ZDHHC21: variants seen among roughly 807,000 people sequenced by gnomAD.
ZDHHC21 encodes zDHHC palmitoyltransferase 21.
In ZDHHC21, 15 loss-of-function variants were observed where a neutral mutation model predicts 34.6. That is an observed-to-expected ratio of 0.43 (90% CI 0.29 to 0.67). ZDHHC21 has a LOEUF of 0.67. Ranked by LOEUF, ZDHHC21 falls within the 30% of genes least tolerant of loss-of-function variation. The probability of loss-of-function intolerance (pLI) is 0.14; values close to 1 mark genes in which losing one functional copy is unlikely to be tolerated. For missense variants in ZDHHC21, 344 were observed against 327.7 expected, an observed-to-expected ratio of 1.05 and a Z score of -0.38; for synonymous variants, 142 against 101.8, an observed-to-expected ratio of 1.40 and a Z score of -2.38.
At position 14,673,593 on chromosome 9, in the gene ZDHHC21, G is replaced by A. The variant is rs1835853201; in HGVS notation, c.154+594C>T. Among the ~76,000 whole-genome samples, 3 of 151,494 alleles carry A rather than the reference G, an allele frequency of 2.0e-5. No homozygotes were observed. In the South Asian group the frequency reaches 6.2e-4, roughly 32 times the overall value. On this transcript the variant is annotated intron_variant, in intron 4 of 9. Coordinates refer to ENST00000380916, the MANE Select transcript of ZDHHC21 (RefSeq NM_178566.6). Reference sequence around the variant, plus strand: ...CTGAGTGCTCAATCCAGGACTGACTGCATAGTACCGGTCAGTTTTATCATA... The same window carrying A: ...CTGAGTGCTCAATCCAGGACTGACTACATAGTACCGGTCAGTTTTATCATA...
chr9:14,596,869 A>G, the ZDHHC21 span, among the ~76,000 whole-genome samples: 5 of 152,144 alleles, frequency 3.3e-5, no homozygotes, highest in Admixed American at 1.3e-4. Context: ...CATCTTAGAG[A>G]GAACATTGGA....
chr9:14,652,483 G>T (rs1252345410), intron 7 of ZDHHC21, among the ~76,000 whole-genome samples: 2 of 151,830 alleles, frequency 1.3e-5, no homozygotes, highest in Admixed American at 1.3e-4. Context: ...ATCTTTGAAC[G>T]TTCGTGATAA....
intron 8 of ZDHHC21, among the ~76,000 whole-genome samples, chr9:14,626,579 A>G (rs1394307510): frequency 1.3e-5 from 2 of 151,980 alleles, no homozygotes. Context: ...ATGCTTTTAC[A>G]TAGGAACATG....
intron 4 of ZDHHC21, among the ~76,000 whole-genome samples, chr9:14,673,131 T>C (rs1448651324): frequency 1.3e-5 from 2 of 152,054 alleles, no homozygotes; most frequent in African/African-American, 4.8e-5. Context: ...TTTTAATCAT[T>C]ACTAATTTTA....
rs188455215 is a variant in ZDHHC21 at position 14,681,420 on chromosome 9, T to G, written c.-175-1258A>C. Among the ~76,000 whole-genome samples, 6 of 152,248 alleles carry G rather than the reference T, an allele frequency of 3.9e-5. No homozygotes were observed. The East Asian group carries it at 1.2e-3, about 29-fold the overall frequency. ...TAATAAAAATGTACAATGCTGGTCA[T>G]AGCCTACTAAACCAATTTCATGACC... On this transcript the variant is annotated intron_variant, in intron 2 of 9. Coordinates refer to ENST00000380916, the MANE Select transcript of ZDHHC21 (RefSeq NM_178566.6).
At chr9:14,661,379 G>A (rs1178877863) in intron 6 of ZDHHC21, among the ~76,000 whole-genome samples, 1 of 152,114 alleles carries the variant, frequency 6.6e-6, no homozygotes, top group African/African-American at 2.4e-5. Flanking sequence ...TATAAATTAA[G>A]AGGCTCATTA....
chr9:14,602,144 A>G, the ZDHHC21 span, among the ~76,000 whole-genome samples: 2 of 151,870 alleles, frequency 1.3e-5, no homozygotes, highest in African/African-American at 4.8e-5. Flanking sequence ...CTTAAAGTAT[A>G]ATAATAATAA....
intron 8 of ZDHHC21, among the ~76,000 whole-genome samples, chr9:14,625,980 A>G (rs1826138045): frequency 6.6e-6 from 1 of 151,946 alleles, no homozygotes. Flanking sequence ...ATATAGTAAC[A>G]TAGAGAGGAA....
At chr9:14,630,227 T>C (rs980352013) in intron 8 of ZDHHC21, among the ~76,000 whole-genome samples, 8 of 152,214 alleles carry the variant, frequency 5.3e-5, no homozygotes, top group East Asian at 1.9e-4. Flanking sequence ...ACTAAGTCCA[T>C]ATACTCTTCT....
downstream of ZDHHC21, among the ~76,000 whole-genome samples, chr9:14,606,764 AAT>A (rs1009421184): frequency 6.6e-6 from 1 of 152,166 alleles, no homozygotes; most frequent in Non-Finnish European, 1.5e-5. Flanking sequence ...ATACCCAGGA[AAT>A]ATATTAATAA....
chr9:14,593,461 T>A, the ZDHHC21 span: 2 of 152,118 alleles, frequency 1.3e-5, no homozygotes, highest in Non-Finnish European at 2.9e-5. Context: ...ATACAAAAAA[T>A]CTGAATAGAT....
intron 1 of ZDHHC21, among the ~76,000 whole-genome samples, chr9:14,692,787 G>A (rs372246289): frequency 1.8e-4 from 25 of 142,242 alleles, no homozygotes; most frequent in East Asian, 1.5e-3. Context: ...TGGAATGAAT[G>A]AAAAGCTCTG....
At position 14,688,006 on chromosome 9, in the gene ZDHHC21, T is replaced by C. The variant is rs142459303; in HGVS notation, c.-176+2331A>G. The stretch of plus-strand genomic sequence containing the variant: ...TCTGATATCATTCTACTCTGAAAAT[T>C]AGTCAAGTGTGGCAGTTAAATAATT... On this transcript the variant is annotated intron_variant, in intron 2 of 9. Coordinates refer to ENST00000380916, the MANE Select transcript of ZDHHC21 (RefSeq NM_178566.6). 2.4e-4 allele frequency among the ~76,000 whole-genome samples: 37 copies of C among 151,104 alleles called. 2 individuals carry two copies. The highest frequency in any genetic ancestry group is 5.0e-4 in the African/African-American group (20 of 40,374).
At position 14,617,150 on chromosome 9, in the gene ZDHHC21, G is replaced by A. The variant is rs1197435932; in HGVS notation, c.*1816C>T. 6.6e-6 allele frequency: 1 copy of A among 151,844 alleles called. No homozygotes were observed. The highest frequency in any genetic ancestry group is 1.5e-5 in the Non-Finnish European group (1 of 67,862). The allele number at this position is 151,844 out of a possible 1,614,324, so 9.4% of individuals were successfully genotyped here. ...CAGTTCTGTCACCAGGCCAAATGTG[G>A]CCAAATTAGCTTGCACAAAATCCAA... On this transcript the variant is annotated 3_prime_UTR_variant, in exon 10 of 10. Coordinates refer to ENST00000380916, the MANE Select transcript of ZDHHC21 (RefSeq NM_178566.6).
chr9:14,619,149 C>A, intron 9 of ZDHHC21, 51 bp from the exon 10 acceptor site: 1 of 1,548,904 alleles, frequency 6.5e-7, no homozygotes, highest in Non-Finnish European at 8.7e-7. Context: ...TGGTGCACTT[C>A]AGTCAGCTAA....
chr9:14,670,131 A>G lies in ZDHHC21; in HGVS notation c.253+2699T>C, dbSNP rs184803206. On this transcript the variant is annotated intron_variant, in intron 5 of 9. Coordinates refer to ENST00000380916, the MANE Select transcript of ZDHHC21 (RefSeq NM_178566.6). ...GCCAATTTTCACTAAAAGGCGATAT[A>G]AAAATTTGTTTTTATCAGCCACTTA... is the stretch of plus-strand genomic sequence containing the variant. 2.3e-3 allele frequency among the ~76,000 whole-genome samples: 353 copies of G among 152,274 alleles called. 3 individuals carry two copies. The highest frequency in any genetic ancestry group is 8.2e-3 in the African/African-American group (342 of 41,556).
chr9:14,649,040 T>C (rs994973775), intron 7 of ZDHHC21, among the ~76,000 whole-genome samples: 1 of 152,136 alleles, frequency 6.6e-6, no homozygotes, highest in Admixed American at 6.6e-5. Flanking sequence ...GACACTCTTG[T>C]GCATTGCAGA....
chr9:14,662,373 T>C (rs1485343508), intron 5 of ZDHHC21, 47 bp from the exon 6 acceptor site: 22 of 1,401,924 alleles, frequency 1.6e-5, no homozygotes, highest in Non-Finnish European at 2.1e-5. Context: ...AAGTGGGTAA[T>C]GCTGAAATTT....
chr9:14,645,075 C>T (rs1424684816), intron 7 of ZDHHC21, among the ~76,000 whole-genome samples: 1 of 152,064 alleles, frequency 6.6e-6, no homozygotes, highest in African/African-American at 2.4e-5. Flanking sequence ...TGGCTCTACA[C>T]AATCTTATCT....
Sources: allele counts gnomAD v4.1 joint callset (sites outside exome capture counted in the v4.1 genomes callset), GRCh38; gene constraint gnomAD v4.1.1; transcripts MANE v1.5; gene names NCBI Gene and HGNC (gene_info 2026-07-23, HGNC 2026-07-21).